Variants in NFIB observed in about 807,000 individuals in gnomAD.
NFIB encodes the protein nuclear factor 1 B-type.
In NFIB, 11 loss-of-function variants were observed where a neutral mutation model predicts 61.5. That is an observed-to-expected ratio of 0.18 (90% confidence interval 0.11 to 0.30). The LOEUF is 0.30. NFIB is among the 10% of genes least tolerant of loss of function. The pLI is 1.00. For missense variants in NFIB, 471 were observed against 608.9 expected (o/e 0.77, Z 2.38); for synonymous variants, 260 against 216.5 (o/e 1.20, Z -1.76).
At chr9:14,209,643 C>T (rs535819209) in intron 2 of NFIB, among the ~76,000 whole-genome samples, 4 of 152,310 alleles carry the variant, frequency 2.6e-5, no homozygotes, top group Admixed American at 1.3e-4. Flanking sequence ...TGGTAATGGA[C>T]GCTTTGCTGC....
intron 1 of NFIB, among the ~76,000 whole-genome samples, chr9:14,394,995 T>C (rs1379223199): frequency 2.0e-5 from 3 of 152,184 alleles, no homozygotes; most frequent in African/African-American, 7.2e-5. Flanking sequence ...TAACCTCCTC[T>C]GGTCCACTCA....
rs181321570 is a variant in NFIB at position 14,161,704 on chromosome 9, A to T, written c.617-5811T>A. On this transcript the variant is annotated intron_variant, in intron 3 of 10. Transcript: ENST00000380953. ...CATTTTAGGTTATTTCCCAATTTTT[A>T]AAATATAATAAACAAATAGCACTGT... is the stretch of plus-strand genomic sequence containing the variant. Among the ~76,000 whole-genome samples, 1,095 of 152,242 alleles carry T rather than the reference A, an allele frequency of 7.2e-3. 9 individuals are homozygous for T. Among genetic ancestry groups the T allele is most frequent in the Non-Finnish European group, 0.011 (778 of 67,992 alleles).
chr9:14,121,213 G>A lies in NFIB; in HGVS notation c.1061-589C>T, dbSNP rs1043630841. Among the ~76,000 whole-genome samples, 5 of 152,278 alleles carry A rather than the reference G, an allele frequency of 3.3e-5. No homozygotes were observed. In the East Asian group the frequency reaches 7.7e-4, roughly 24 times the overall value. ...CAGTAGACGGAGGTTGCAGTGAGCC[G>A]AGATGGCGCCATTGCGCTCCAACCT... On this transcript the variant is annotated intron_variant, in intron 7 of 10. Coordinates refer to ENST00000380953, the MANE Select transcript of NFIB (RefSeq NM_001190737.2).
rs989001613 is a variant in NFIB, at chr9:14,364,765, T to C, written c.108+33759A>G. 2.0e-5 allele frequency among the ~76,000 whole-genome samples: 3 copies of C among 152,322 alleles called. No individual in the cohort carries two copies. The East Asian group carries it at 5.8e-4, about 29-fold the overall frequency. ...TTTGACAGTTACTATGGTTTACCTC[T>C]CCAGAATTAGGATAATTGGGCATTA... is the stretch of plus-strand genomic sequence containing the variant. On this transcript the variant is annotated intron_variant, in intron 1 of 8. Transcript: ENST00000380934.
rs536307474 is a variant in NFIB, at chr9:14,171,071, G to C, written c.616+8656C>G. ...TCCTTTCTCTGACAGCATTGTGAAA[G>C]GAGAGTACTGTGTTGAAATTAACTC... On this transcript the variant is annotated intron_variant, in intron 3 of 10. Transcript: ENST00000380953. 2.1e-4 allele frequency among the ~76,000 whole-genome samples: 32 copies of C among 152,296 alleles called. 1 individual carries two copies. The South Asian group carries it at 3.1e-3, about 15-fold the overall frequency.
chr9:14,302,924 C>T (rs566345751), intron 2 of NFIB, among the ~76,000 whole-genome samples: 18 of 152,296 alleles, frequency 1.2e-4, no homozygotes, highest in African/African-American at 3.6e-4. Context: ...TTAACGCTAA[C>T]TATCTAGGAA....
chr9:14,331,199 G>A (rs2060817113), intron 1 of NFIB, among the ~76,000 whole-genome samples: 2 of 152,100 alleles, frequency 1.3e-5, no homozygotes, highest in African/African-American at 4.8e-5. Context: ...TTTCATCTAA[G>A]CTCTTTTAAA....
intron 3 of NFIB, among the ~76,000 whole-genome samples, chr9:14,167,093 G>GC (rs2044921082): frequency 6.8e-6 from 1 of 147,124 alleles, no homozygotes; most frequent in Non-Finnish European, 1.5e-5. Flanking sequence ...CGGGGGGGGG[G>GC]GGTTCCCCTT....
intron 2 of NFIB, among the ~76,000 whole-genome samples, chr9:14,216,532 CTCTCTCTCTCCCTCTGTGTGTGTG>C (rs1238184695): frequency 0.015 from 567 of 38,784 alleles, 9 homozygotes; most frequent in African/African-American, 0.045. Flanking sequence ...CTCTCTCTCT[CTCTCTCTCTCCCTCTGTGTGTGTG>C]TGTGTGTGTG....
Position 14,367,506 on chromosome 9 carries a change from G to C in NFIB, c.108+31018C>G, listed in dbSNP as rs471088. On this transcript the variant is annotated intron_variant, in intron 1 of 8. Coordinates refer to the NFIB transcript ENST00000380934. ...TGTGAATTGGGAATGAGGGTCAAAAGGTTGTAAGCAACCTGTGTTCCTCCA... is the reference window on the plus strand; with the variant it reads ...TGTGAATTGGGAATGAGGGTCAAAACGTTGTAAGCAACCTGTGTTCCTCCA... 2.6e-5 allele frequency among the ~76,000 whole-genome samples: 4 copies of C among 151,966 alleles called. No individual in the cohort carries two copies. In the East Asian group the frequency reaches 7.8e-4, roughly 30 times the overall value.
intron 2 of NFIB, among the ~76,000 whole-genome samples, chr9:14,191,473 G>A (rs1420406542): frequency 6.6e-6 from 1 of 152,156 alleles, no homozygotes; most frequent in African/African-American, 2.4e-5. Flanking sequence ...ATGTTCACTT[G>A]CTATATCCAT....
Position 14,273,334 on chromosome 9 carries a change from G to A in NFIB, c.562+33655C>T, listed in dbSNP as rs73645033. On this transcript the variant is annotated intron_variant, in intron 2 of 10. Transcript: ENST00000380953. ...AACATGGGCCAGTGTCTGAGGTGGA[G>A]TGGAAGACTCGGGGCTGTGGGGAGT... Among the ~76,000 whole-genome samples the A allele has an allele frequency of 7.9e-3, 1,203 of 152,300 alleles. 15 individuals are homozygous for A. Among genetic ancestry groups the A allele is most frequent in the African/African-American group, 0.028 (1,147 of 41,554 alleles).
chr9:14,193,208 C>A (rs769393838), intron 2 of NFIB, among the ~76,000 whole-genome samples: 4 of 151,482 alleles, frequency 2.6e-5, no homozygotes, highest in Non-Finnish European at 2.9e-5. Context: ...TCCTACCCAT[C>A]CATCCAAGTT....
chr9:14,365,124 C>T (rs1435315242), intron 1 of NFIB, among the ~76,000 whole-genome samples: 1 of 152,198 alleles, frequency 6.6e-6, no homozygotes, highest in Non-Finnish European at 1.5e-5. Flanking sequence ...CAGTGTCCTG[C>T]ACATGCCAAG....
At chr9:14,196,918 T>C (rs1255955671) in intron 2 of NFIB, among the ~76,000 whole-genome samples, 1 of 152,228 alleles carries the variant, frequency 6.6e-6, no homozygotes, top group African/African-American at 2.4e-5. Flanking sequence ...ATTTTCCATT[T>C]GTCTTTTATT....
chr9:14,401,252 C>G (rs2061740337), upstream of NFIB, among the ~76,000 whole-genome samples: 1 of 152,216 alleles, frequency 6.6e-6, no homozygotes, highest in African/African-American at 2.4e-5. Context: ...TCTTGACATT[C>G]ACTGAGTCAA....
chr9:14,313,431 A>G lies in NFIB; in HGVS notation c.30+51T>C. On this transcript the variant is annotated intron_variant, in intron 1 of 10. Coordinates refer to ENST00000380953, the MANE Select transcript of NFIB (RefSeq NM_001190737.2). This position sits in a 1 kb window ranked among gnomAD's most constrained non-coding sequence, Gnocchi z 4.5. ...TAATTGTCCGCAACAAAACAAAACA[A>G]AGGCATTTCGGGCCAGAGAGAAAGC... The G allele has an allele frequency of 6.2e-7, 1 of 1,612,832 alleles. No homozygotes were observed. The highest frequency in any genetic ancestry group is 8.5e-7 in the Non-Finnish European group (1 of 1,179,244).
chr9:14,287,012 T>C (rs1171454110), intron 2 of NFIB, among the ~76,000 whole-genome samples: 2 of 152,306 alleles, frequency 1.3e-5, no homozygotes, highest in East Asian at 3.9e-4. Flanking sequence ...CTAAGAACTT[T>C]CATTCACTTT....
the NFIB span, among the ~76,000 whole-genome samples, chr9:14,515,084 C>G: frequency 2.6e-5 from 4 of 152,200 alleles, no homozygotes; most frequent in Admixed American, 2.6e-4. Flanking sequence ...CTTTATTGCA[C>G]TGCAGCTAGA....
Sources: allele counts gnomAD v4.1 joint callset (sites outside exome capture counted in the v4.1 genomes callset), GRCh38; gene constraint gnomAD v4.1.1; non-coding constraint Gnocchi (gnomAD v3.1); transcripts MANE v1.5; gene names NCBI Gene and HGNC (gene_info 2026-07-23, HGNC 2026-07-21).